SLC2A6: variants seen among roughly 807,000 people sequenced by gnomAD.
SLC2A6 encodes solute carrier family 2 member 6.
In SLC2A6, 39 loss-of-function variants were observed where a neutral mutation model predicts 47.8. The observed-to-expected ratio is 0.82, with a 90% CI of 0.63 to 1.07. The LOEUF (loss-of-function observed/expected upper bound fraction) is 1.07, where lower values mean the gene tolerates loss of function less well. Among genes scored for constraint, SLC2A6 ranks in the 50% least tolerant of loss-of-function variants. SLC2A6 has a pLI of 0.00. For missense variants in SLC2A6, 650 were observed against 707.6 expected (o/e 0.92, Z 0.92); for synonymous variants, 346 against 324.1 (o/e 1.07, Z -0.73).
intron 1 of SLC2A6, 108 bp downstream of exon 1, chr9:133,478,860 G>C: frequency 3.2e-6 from 3 of 949,204 alleles, no homozygotes; most frequent in Admixed American, 5.9e-5. Flanking sequence ...ATGGCCCCTC[G>C]GTGGCGACTA....
At chr9:133,472,672 C>G (rs587732674) in intron 9 of SLC2A6, among the ~76,000 whole-genome samples, 1 of 152,204 alleles carries the variant, frequency 6.6e-6, no homozygotes, top group Non-Finnish European at 1.5e-5. Context: ...TACTCTGGGC[C>G]TCACAGATTC....
At chr9:133,474,450 G>A (rs1365127180) in intron 6 of SLC2A6, among the ~76,000 whole-genome samples, 1 of 152,256 alleles carries the variant, frequency 6.6e-6, no homozygotes, top group African/African-American at 2.4e-5. Context: ...GAGGTTCAGA[G>A]GGGAAAGTGA....
At chr9:133,476,581 G>C (rs1046661343) in intron 3 of SLC2A6, among the ~76,000 whole-genome samples, 34 of 152,188 alleles carry the variant, frequency 2.2e-4, no homozygotes, top group African/African-American at 8.0e-4. Context: ...GCATGACGCT[G>C]GGAAGGAGGC....
intron 1 of SLC2A6, 93 bp from the exon 2 acceptor site, chr9:133,478,509 C>CG (rs1844047448): frequency 6.8e-7 from 1 of 1,474,440 alleles, no homozygotes; most frequent in African/African-American, 1.4e-5. Flanking sequence ...CCCGGCTCAG[C>CG]GGGCAGTGCT....
chr9:133,472,259 A>G, intron 9 of SLC2A6, 83 bp from the exon 10 acceptor site: 1 of 1,513,900 alleles, frequency 6.6e-7, no homozygotes, highest in Non-Finnish European at 9.0e-7. Context: ...CGCTGCTGGT[A>G]GTGACCAGCC....
At chr9:133,472,609 C>T (rs72779221) in intron 9 of SLC2A6, among the ~76,000 whole-genome samples, 1 of 152,188 alleles carries the variant, frequency 6.6e-6, no homozygotes, top group Non-Finnish European at 1.5e-5. Context: ...ACTGCAGGGA[C>T]AGCTTAGGCG....
intron 4 of SLC2A6, 25 bp from the exon 5 acceptor site, chr9:133,475,636 GC>G: frequency 6.4e-7 from 1 of 1,552,982 alleles, no homozygotes. Context: ...TGGGTGAGGG[GC>G]CAGGTCCAGG....
Position 133,476,427 on chromosome 9 carries a change from G to A in SLC2A6, c.463-91C>T, listed in dbSNP as rs587736252. 2.8e-5 allele frequency: 32 copies of A among 1,137,124 alleles called. 1 individual carries two copies. In the South Asian group the frequency reaches 3.9e-4, roughly 14 times the overall value. The allele number at this position is 1,137,124 out of a possible 1,614,324, so 70.4% of individuals were successfully genotyped here. A position where few individuals can be genotyped will look rare whatever the true frequency, so the allele number is the denominator to read the frequency against. On this transcript the variant is annotated intron_variant, in intron 3 of 9. Transcript: ENST00000371899. ...GGAGAGTCAGCCCCTGTGAACCCCGGAAAGTGGGAAGTGGAGGCTTTCTGG... is the reference window on the plus strand; with the variant it reads ...GGAGAGTCAGCCCCTGTGAACCCCGAAAAGTGGGAAGTGGAGGCTTTCTGG...
At chr9:133,475,658 C>T in intron 4 of SLC2A6, 47 bp from the exon 5 acceptor site, 10 of 1,490,112 alleles carry the variant, frequency 6.7e-6, no homozygotes, top group Non-Finnish European at 9.1e-6. Context: ...CCTGGTACAG[C>T]CCCTTCCCTC....
chr9:133,475,561 G>A lies in SLC2A6; in HGVS notation c.613C>T (p.Leu205Phe). 2 of 1,608,838 alleles carry A rather than the reference G, an allele frequency of 1.2e-6. No individual in the cohort carries two copies. The highest frequency in any genetic ancestry group is 4.5e-5 in the East Asian group (2 of 44,818). Residue 205 changes from leucine to phenylalanine, a missense_variant, in exon 5 of 10, where the codon CTC becomes TTC. Physicochemically the swap from Leu to Phe is conservative, Grantham distance 22. Coordinates refer to ENST00000371899, the MANE Select transcript of SLC2A6 (RefSeq NM_017585.4). ...AAGCTGAGCAGCAGGATCATGATGA[G>A]CACAGGCGCCTCCCCGGCCACAGCC... ...WLAVAGEAPV[L>F]IMILLLSFMP...
intron 9 of SLC2A6, among the ~76,000 whole-genome samples, chr9:133,472,673 TCA>T (rs1260924129): frequency 6.6e-6 from 1 of 152,154 alleles, no homozygotes; most frequent in East Asian, 1.9e-4. Context: ...ACTCTGGGCC[TCA>T]CAGATTCTGG....
chr9:133,475,104 C>T lies in SLC2A6; in HGVS notation c.784G>A (p.Val262Ile), dbSNP rs1554802936. 3 of 1,561,384 alleles carry T rather than the reference C, an allele frequency of 1.9e-6. No homozygotes were observed. Among genetic ancestry groups the T allele is most frequent in the Middle Eastern group, 2.0e-4 (1 of 5,098 alleles). ...GGGGCCCGTGCCTCAGCCCACGATA[C>T]TCGGCTGCTCTGAAACACAAGGCCG... ...QDNVRRQSSRVSWAEARAPHV... is the reference protein window; with the variant it reads ...QDNVRRQSSRISWAEARAPHV... Residue 262 changes from valine to isoleucine, a missense_variant, in exon 6 of 10, where the codon GTA becomes ATA. Physicochemically the swap from Val to Ile is conservative, Grantham distance 29 (BLOSUM62 3). Coordinates refer to ENST00000371899, the MANE Select transcript of SLC2A6 (RefSeq NM_017585.4).
At chr9:133,475,167 C>A in intron 5 of SLC2A6, 54 bp from the exon 6 acceptor site, 1 of 1,473,742 alleles carries the variant, frequency 6.8e-7, no homozygotes, top group South Asian at 1.4e-5. Context: ...CAGCAGGCGC[C>A]ATCCTGCCCT....
Position 133,474,089 on chromosome 9 carries a change from C to T in SLC2A6, c.928-1G>A. On this transcript the variant is annotated splice_acceptor_variant, in intron 6 of 9. Coordinates refer to ENST00000371899, the MANE Select transcript of SLC2A6 (RefSeq NM_017585.4). LOFTEE classifies it high-confidence loss of function. ...CGATGGCTGCGTCGTCCTTGGGGGG[C>T]TATCGGGGGGAGACCACCAGGGCTG... The T allele has an allele frequency of 1.3e-6, 2 of 1,597,298 alleles. No individual in the cohort carries two copies. The highest frequency in any genetic ancestry group is 1.7e-6 in the Non-Finnish European group (2 of 1,173,820).
chr9:133,473,900 C>T, intron 7 of SLC2A6, 80 bp downstream of exon 7: 1 of 1,150,128 alleles, frequency 8.7e-7, no homozygotes, highest in Non-Finnish European at 1.2e-6. Context: ...CAGCCCCACC[C>T]CGAGGCAGGC....
Position 133,471,942 on chromosome 9 carries a change from G to A in SLC2A6, c.*79C>T. ...GTGGCAGGGATGACTGCTGCCTCTT[G>A]GTCCCAGGGTGCAGGTTTGTAGCCA... On this transcript the variant is annotated 3_prime_UTR_variant, in exon 10 of 10. Coordinates refer to ENST00000371899, the MANE Select transcript of SLC2A6 (RefSeq NM_017585.4). The A allele has an allele frequency of 6.7e-7, 1 of 1,495,122 alleles. No individual in the cohort carries two copies. Among genetic ancestry groups the A allele is most frequent in the Non-Finnish European group, 9.1e-7 (1 of 1,102,228 alleles). 92.6% of individuals were successfully genotyped at this position (1,495,122 alleles called of 1,614,324 possible).
chr9:133,478,174 T>C, intron 2 of SLC2A6, 80 bp downstream of exon 2: 1 of 1,507,978 alleles, frequency 6.6e-7, no homozygotes, highest in Non-Finnish European at 9.1e-7. Context: ...GGTGGAGAAT[T>C]TGGGAGGTTC....
chr9:133,472,720 CA>C (rs1398883775), intron 9 of SLC2A6, among the ~76,000 whole-genome samples: 5 of 152,108 alleles, frequency 3.3e-5, no homozygotes, highest in Non-Finnish European at 7.4e-5. Context: ...AACCAGGAGG[CA>C]GGGGGAGTGG....
chr9:133,478,674 G>A, intron 1 of SLC2A6: 1 of 592,420 alleles, frequency 1.7e-6, no homozygotes, highest in Non-Finnish European at 2.9e-6. Context: ...CTGCCCCCAG[G>A]GCGGCGGCTG....
Sources: gnomAD v4.1 joint callset for allele counts (sites outside exome capture counted in the v4.1 genomes callset) on GRCh38, gnomAD v4.1.1 for gene constraint, MANE v1.5 for transcripts, NCBI Gene and HGNC (gene_info 2026-07-23, HGNC 2026-07-21) for gene names.